The following TAF1D variants were observed in gnomAD, a reference collection of about 807,000 sequenced individuals.
The protein encoded by TAF1D is TATA box-binding protein-associated factor RNA polymerase I subunit D.
In TAF1D, 23 loss-of-function variants were observed where a neutral mutation model predicts 26.2. The ratio of observed to expected loss-of-function variants is 0.88; its 90% CI spans 0.63 to 1.25. The LOEUF (loss-of-function observed/expected upper bound fraction) is 1.25. TAF1D is among the 50% of genes most tolerant of loss of function. The pLI is 0.00. For missense variants in TAF1D, 299 were observed against 322.0 expected (o/e 0.93, Z 0.55); for synonymous variants, 100 against 105.6 (o/e 0.95, Z 0.33).
At chr11:93,739,182 A>T (rs1941320720) in intron 2 of TAF1D, 55 bp downstream of exon 2, 1 of 1,369,836 alleles carries the variant, frequency 7.3e-7, no homozygotes, top group African/African-American at 1.5e-5. Context: ...GTCACTCATT[A>T]TATACAATAG....
chr11:93,739,964 A>AAG (rs778330953), intron 1 of TAF1D, among the ~76,000 whole-genome samples: 12,660 of 140,366 alleles, frequency 0.09, 500 homozygotes, highest in East Asian at 0.22. Flanking sequence ...AACATACCAA[A>AAG]AAAAAAAAAA....
downstream of TAF1D, chr11:93,731,133 TA>T: frequency 2.0e-6 from 1 of 491,428 alleles, no homozygotes. Context: ...ATAGTTAAGA[TA>T]AAAACCATTA....
At chr11:93,736,445 T>G (rs1940777419) in intron 5 of TAF1D, 141 bp from the exon 6 acceptor site, 2 of 1,423,106 alleles carry the variant, frequency 1.4e-6, no homozygotes, top group South Asian at 3.2e-5. Flanking sequence ...ACATTGCTTA[T>G]TTTTTCATTT....
exon 12 of TAF1D, chr11:93,730,321 C>T: frequency 1.7e-5 from 21 of 1,239,646 alleles, no homozygotes; most frequent in Non-Finnish European, 2.3e-5. Flanking sequence ...TAGCATTAGA[C>T]AAAATTATTT....
intron 2 of TAF1D, 42 bp downstream of exon 2, chr11:93,739,195 T>C (rs968758672): frequency 1.4e-6 from 2 of 1,462,456 alleles, no homozygotes; most frequent in Non-Finnish European, 1.9e-6. Flanking sequence ...TACAATAGTT[T>C]CTCATAATTC....
At chr11:93,741,245 G>C in intron 1 of TAF1D, 77 bp downstream of exon 1, 1 of 448,472 alleles carries the variant, frequency 2.2e-6, no homozygotes. Context: ...CCAACGAAGG[G>C]GCCCCGGGAA....
downstream of TAF1D, chr11:93,733,645 A>G (rs758041781): frequency 6.1e-6 from 3 of 491,296 alleles, no homozygotes; most frequent in African/African-American, 2.0e-5. Context: ...AGGATCTGCC[A>G]TGTCTTTTAA....
downstream of TAF1D, chr11:93,735,381 G>A: frequency 9.6e-7 from 1 of 1,037,064 alleles, no homozygotes; most frequent in Non-Finnish European, 1.2e-6. Flanking sequence ...AAGTGAAAAT[G>A]GTAGTTAAAA....
downstream of TAF1D, chr11:93,732,314 C>G (rs561219341): frequency 2.0e-6 from 1 of 509,618 alleles, no homozygotes; most frequent in East Asian, 5.5e-5. Flanking sequence ...GCATTGCTTA[C>G]TATTTTAGAG....
chr11:93,740,915 G>C (rs918697829), intron 1 of TAF1D, among the ~76,000 whole-genome samples: 1 of 152,144 alleles, frequency 6.6e-6, no homozygotes, highest in Non-Finnish European at 1.5e-5. Flanking sequence ...AATTCTTAGA[G>C]GCCACGTGGG....
At chr11:93,735,340 A>G (rs1411954048), downstream of TAF1D, 9 of 1,153,028 alleles carry the variant, frequency 7.8e-6, no homozygotes, top group South Asian at 1.8e-5. Flanking sequence ...CATGTTGAAT[A>G]AATGTGTATG....
chr11:93,734,793 A>G, downstream of TAF1D: 1 of 1,243,658 alleles, frequency 8.0e-7, no homozygotes, highest in Non-Finnish European at 1.0e-6. Context: ...TTTTTTCTTA[A>G]GAGACAGGGT....
chr11:93,734,856 G>A, downstream of TAF1D: 1 of 889,860 alleles, frequency 1.1e-6, no homozygotes, highest in Non-Finnish European at 1.5e-6. Flanking sequence ...GCTCAGTGCA[G>A]CCTCCAACTC....
chr11:93,734,900 A>T (rs1668394365), downstream of TAF1D: 2 of 774,602 alleles, frequency 2.6e-6, no homozygotes, highest in Admixed American at 3.7e-5. Flanking sequence ...AGTAACTCCA[A>T]CTACAGGCAC....
In TAF1D at chr11:93,738,511, G is replaced by A; in HGVS notation, c.69-12C>T. On this transcript the variant is annotated splice_polypyrimidine_tract_variant and intron_variant, in intron 2 of 5. Coordinates refer to ENST00000448108, the MANE Select transcript of TAF1D (RefSeq NM_024116.4). ...CAGAAGAGTTATCACTAGAAAAATGGGAAAAAAATTAATTTCATCTTCTTT... is the reference window on the plus strand; with the variant it reads ...CAGAAGAGTTATCACTAGAAAAATGAGAAAAAAATTAATTTCATCTTCTTT... The A allele has an allele frequency of 6.5e-7, 1 of 1,540,706 alleles. No homozygotes were observed.
In TAF1D at chr11:93,738,330, T is replaced by C. The variant is rs1565243924; in HGVS notation, c.238A>G (p.Ile80Val). 1 of 1,612,102 alleles carries C rather than the reference T, an allele frequency of 6.2e-7. No individual in the cohort carries two copies. The highest frequency in any genetic ancestry group is 2.2e-5 in the East Asian group (1 of 44,864). ...FEPIPLTIKA[I>V]FERFKNRKKR... ...TTCCTGTTCTTGAATCTTTCAAAAA[T>C]AGCTTTTATAGTCAATGGTATTGGT... The change falls in exon 3 of 6, where the codon ATT becomes GTT. Residue 80 changes from isoleucine (I) to valine (V), a missense_variant. Coordinates refer to ENST00000448108, the MANE Select transcript of TAF1D (RefSeq NM_024116.4).
chr11:93,732,248 T>C, downstream of TAF1D: 1 of 475,906 alleles, frequency 2.1e-6, no homozygotes, highest in Non-Finnish European at 4.2e-6. Flanking sequence ...TCTTACCTTT[T>C]TACTGTAGGT....
At chr11:93,735,566 G>A (rs554270256), downstream of TAF1D, 6 of 560,830 alleles carry the variant, frequency 1.1e-5, no homozygotes, top group South Asian at 1.4e-4. Context: ...AGCTACTAAG[G>A]AGGCTGAGGC....
chr11:93,732,499 AATT>A, downstream of TAF1D: 1 of 516,728 alleles, frequency 1.9e-6, no homozygotes, highest in South Asian at 1.4e-5. Flanking sequence ...CATGCAGTGC[AATT>A]ATGACTGAAC....
Sources: gnomAD v4.1 joint callset for allele counts (sites outside exome capture counted in the v4.1 genomes callset) on GRCh38, gnomAD v4.1.1 for gene constraint, MANE v1.5 for transcripts, NCBI Gene and HGNC (gene_info 2026-07-23, HGNC 2026-07-21) for gene names.